Variants in TSNARE1 observed in about 807,000 individuals in gnomAD.
The protein encoded by TSNARE1 is t-SNARE domain-containing protein 1.
A neutral mutation model predicts 62.0 loss-of-function variants in TSNARE1; 49 were observed. The ratio of observed to expected loss-of-function variants is 0.79; its 90% CI spans 0.63 to 1.00. TSNARE1 has a LOEUF of 1.00. Ranked by LOEUF, TSNARE1 falls within the 50% of genes least tolerant of loss-of-function variation. The pLI is 0.00. For missense variants in TSNARE1, 755 were observed against 700.1 expected, an observed-to-expected ratio of 1.08 and a Z score of -0.88; for synonymous variants, 328 against 294.4, an observed-to-expected ratio of 1.11 and a Z score of -1.17.
intron 6 of TSNARE1, among the ~76,000 whole-genome samples, chr8:142,324,062 G>C (rs1829863939): frequency 6.6e-6 from 1 of 152,242 alleles, no homozygotes; most frequent in African/African-American, 2.4e-5. Flanking sequence ...CATTGAGAGA[G>C]CGGGCCCATC....
At chr8:142,292,466 A>G (rs529358732) in intron 10 of TSNARE1, among the ~76,000 whole-genome samples, 36 of 152,260 alleles carry the variant, frequency 2.4e-4, no homozygotes, top group African/African-American at 7.7e-4. Context: ...TGAGGGTCCA[A>G]GATGGGCCTG....
At position 142,319,186 on chromosome 8, in the gene TSNARE1, C is replaced by T. The variant is rs1444846372; in HGVS notation, c.894-552G>A. On this transcript the variant is annotated intron_variant, in intron 6 of 13. Coordinates refer to ENST00000524325, the MANE Select transcript of TSNARE1 (RefSeq NM_145003.5). The surrounding 1 kb of genome is among the most constrained non-coding windows in gnomAD (Gnocchi z 4.9). ...CAACCACCCCCAAATACCCCACAGACAGGAGGCTGAGCCACGAGCCCTCCC... is the reference window on the plus strand; with the variant it reads ...CAACCACCCCCAAATACCCCACAGATAGGAGGCTGAGCCACGAGCCCTCCC... Among the ~76,000 whole-genome samples, 2 of 152,062 alleles carry T rather than the reference C, an allele frequency of 1.3e-5. No individual in the cohort carries two copies. The highest frequency in any genetic ancestry group is 4.8e-5 in the African/African-American group (2 of 41,404).
chr8:142,336,271 A>T (rs180872654), intron 4 of TSNARE1, among the ~76,000 whole-genome samples: 2 of 139,898 alleles, frequency 1.4e-5, no homozygotes, highest in East Asian at 4.4e-4. Context: ...ACAGAGCAAG[A>T]GACCCTGTCT....
At chr8:142,253,111 G>C (rs958103046) in intron 12 of TSNARE1, among the ~76,000 whole-genome samples, 2 of 152,228 alleles carry the variant, frequency 1.3e-5, no homozygotes, top group Non-Finnish European at 2.9e-5. Context: ...AGACCGGACG[G>C]GCAGCCTGGC....
At chr8:142,223,107 C>CAT (rs1344554839) in intron 13 of TSNARE1, among the ~76,000 whole-genome samples, 4 of 126,044 alleles carry the variant, frequency 3.2e-5, no homozygotes, top group East Asian at 5.1e-4. Context: ...CTCATTCACT[C>CAT]ACTCGTTCAC....
At position 142,300,733 on chromosome 8, in the gene TSNARE1, C is replaced by A. The variant is rs1054538129; in HGVS notation, c.1132-89G>T. The A allele has an allele frequency of 7.4e-6, 10 of 1,359,016 alleles. No individual in the cohort carries two copies. The African/African-American group carries it at 1.3e-4, about 17-fold the overall frequency. 84.2% of individuals were successfully genotyped at this position (1,359,016 alleles called of 1,614,324 possible). A position where few individuals can be genotyped will look rare whatever the true frequency, so the allele number is the denominator to read the frequency against. On this transcript the variant is annotated intron_variant, in intron 9 of 13. Transcript: ENST00000524325. ...AGAAATTCAACAAAATGGTGCTTTT[C>A]CCTTCACTATCCCCATCTGCTCTCT... is the stretch of plus-strand genomic sequence containing the variant.
intron 11 of TSNARE1, among the ~76,000 whole-genome samples, chr8:142,281,972 A>G (rs1314807843): frequency 2.0e-5 from 3 of 152,210 alleles, no homozygotes; most frequent in Non-Finnish European, 4.4e-5. Flanking sequence ...GCAAGGGACA[A>G]GACTGTGGGC....
chr8:142,392,035 T>C (rs531242169), intron 1 of TSNARE1, among the ~76,000 whole-genome samples: 1 of 152,348 alleles, frequency 6.6e-6, no homozygotes, highest in East Asian at 1.9e-4. Context: ...ATTTTTTTCT[T>C]TTTTTGAGAC....
At chr8:142,312,064 T>A (rs1827700234) in intron 9 of TSNARE1, among the ~76,000 whole-genome samples, 1 of 152,232 alleles carries the variant, frequency 6.6e-6, no homozygotes, top group Non-Finnish European at 1.5e-5. Context: ...AGATTTTGGA[T>A]TTTATTTTCA....
At chr8:142,251,867 C>T (rs1818185383) in intron 12 of TSNARE1, among the ~76,000 whole-genome samples, 1 of 141,918 alleles carries the variant, frequency 7.0e-6, no homozygotes, top group East Asian at 2.1e-4. Flanking sequence ...ACCCGCCGCC[C>T]GCATTCTCTG....
chr8:142,376,264 TC>T (rs1836331898), intron 1 of TSNARE1, among the ~76,000 whole-genome samples: 1 of 152,152 alleles, frequency 6.6e-6, no homozygotes, highest in African/African-American at 2.4e-5. Flanking sequence ...TGCCCTGTTT[TC>T]CCCTGAGGGG....
intron 4 of TSNARE1, among the ~76,000 whole-genome samples, 181 bp downstream of exon 4, chr8:142,343,785 A>AAGAGGAGGAGGG (rs1832934751): frequency 1.5e-5 from 1 of 64,860 alleles, no homozygotes; most frequent in African/African-American, 1.2e-4. Context: ...GAGGAGGAGG[A>AAGAGGAGGAGGG]GGAGGAGGAG....
chr8:142,278,118 A>G (rs1820795294), intron 11 of TSNARE1: 2 of 985,122 alleles, frequency 2.0e-6, no homozygotes, highest in African/African-American at 3.5e-5. Flanking sequence ...CCCACTGACC[A>G]GGCCCATCCC....
intron 1 of TSNARE1, among the ~76,000 whole-genome samples, chr8:142,388,321 CAG>C (rs1246954350): frequency 1.3e-5 from 2 of 152,084 alleles, no homozygotes; most frequent in African/African-American, 4.8e-5. Context: ...GAGTTAACAG[CAG>C]AGACATTCCT....
At chr8:142,259,658 C>G (rs1818757444) in intron 12 of TSNARE1, among the ~76,000 whole-genome samples, 1 of 152,202 alleles carries the variant, frequency 6.6e-6, no homozygotes, top group African/African-American at 2.4e-5. Flanking sequence ...CTCCTTCGCC[C>G]CGGACACAGG....
rs116592035 is a variant in TSNARE1 at position 142,291,748 on chromosome 8, C to T, written c.1291-7263G>A. On this transcript the variant is annotated intron_variant, in intron 10 of 13. Coordinates refer to ENST00000524325, the MANE Select transcript of TSNARE1 (RefSeq NM_145003.5). The surrounding 1 kb of genome is among the most constrained non-coding windows in gnomAD (Gnocchi z 4.8). Reference sequence around the variant, plus strand: ...CGTGGGAGCGGCAGGGGTTAGAGGACACCCCTGGAGTCAGGGCCTGCCAGT... The same window carrying T: ...CGTGGGAGCGGCAGGGGTTAGAGGATACCCCTGGAGTCAGGGCCTGCCAGT... Among the ~76,000 whole-genome samples the T allele has an allele frequency of 0.019, 2,926 of 152,234 alleles. 72 individuals carry two copies. Among genetic ancestry groups the T allele is most frequent in the African/African-American group, 0.053 (2,204 of 41,546 alleles).
At chr8:142,318,730 G>T in intron 6 of TSNARE1, 96 bp from the exon 7 acceptor site, 1 of 1,106,524 alleles carries the variant, frequency 9.0e-7, no homozygotes, top group Non-Finnish European at 1.4e-6. Context: ...CGCACGGGCC[G>T]AGTGGGGGAG....
At chr8:142,342,053 G>C (rs533399345) in intron 4 of TSNARE1, among the ~76,000 whole-genome samples, 4 of 152,242 alleles carry the variant, frequency 2.6e-5, no homozygotes, top group African/African-American at 9.6e-5. Context: ...CTGCCAGAGA[G>C]CAGAGGCCCT....
rs1819746145 is a variant in TSNARE1, at chr8:142,272,570, ACCCG to A, written c.1446+2207_1446+2210del. 6 of 545,112 alleles carry A rather than the reference ACCCG, an allele frequency of 1.1e-5. No homozygotes were observed. In the African/African-American group the frequency reaches 3.5e-4, roughly 31 times the overall value. 33.8% of individuals were successfully genotyped at this position (545,112 alleles called of 1,614,324 possible). A position where few individuals can be genotyped will look rare whatever the true frequency, so the allele number is the denominator to read the frequency against. ...GTCTACACCTTCCTTCCATCCACCC[ACCCG>A]TCTACACCTTCCTCCTTCCATCCAC... On this transcript the variant is annotated intron_variant, in intron 12 of 13. Transcript: ENST00000524325.
Sources: allele counts gnomAD v4.1 joint callset (sites outside exome capture counted in the v4.1 genomes callset), GRCh38; gene constraint gnomAD v4.1.1; non-coding constraint Gnocchi (gnomAD v3.1); transcripts MANE v1.5; gene names NCBI Gene and HGNC (gene_info 2026-07-23, HGNC 2026-07-21).